The following RIMS2 variants were observed in gnomAD, a reference collection of about 807,000 sequenced individuals.
RIMS2 encodes the protein regulating synaptic membrane exocytosis protein 2.
A neutral mutation model predicts 174.4 loss-of-function variants in RIMS2; 59 were observed. That is an observed-to-expected ratio of 0.34 (90% CI 0.27 to 0.42). RIMS2 has a LOEUF of 0.42. RIMS2 is among the 10% of genes least tolerant of loss of function. The probability of loss-of-function intolerance (pLI) is 1.00; values close to 1 mark genes in which losing one functional copy is unlikely to be tolerated. For synonymous variants in RIMS2, 606 were observed against 572.5 expected (o/e 1.06, Z -0.84); for missense variants, 1,620 against 1,666.3 (o/e 0.97, Z 0.48).
At chr8:104,159,578 T>A (rs1416380701) in intron 19 of RIMS2, among the ~76,000 whole-genome samples, 1 of 152,152 alleles carries the variant, frequency 6.6e-6, no homozygotes, top group Non-Finnish European at 1.5e-5. Flanking sequence ...TTGCCAATAC[T>A]TAATTTTTTT....
At chr8:103,872,685 G>A (rs1468551102) in intron 3 of RIMS2, among the ~76,000 whole-genome samples, 1 of 152,180 alleles carries the variant, frequency 6.6e-6, no homozygotes, top group Non-Finnish European at 1.5e-5. Flanking sequence ...TGACAGTTAA[G>A]TTGAAAGAAT....
chr8:103,837,503 C>G (rs2098906174), intron 3 of RIMS2, among the ~76,000 whole-genome samples: 1 of 152,180 alleles, frequency 6.6e-6, no homozygotes, highest in Non-Finnish European at 1.5e-5. Context: ...AGGTATATCT[C>G]CTAATGCTAT....
chr8:103,785,929 T>C (rs1037091121), intron 3 of RIMS2, among the ~76,000 whole-genome samples: 3 of 152,206 alleles, frequency 2.0e-5, no homozygotes, highest in African/African-American at 7.2e-5. Flanking sequence ...AAGCTATTGA[T>C]TATTGCCACA....
At chr8:103,550,004 A>T (rs996667041) in intron 1 of RIMS2, among the ~76,000 whole-genome samples, 1 of 152,134 alleles carries the variant, frequency 6.6e-6, no homozygotes, top group African/African-American at 2.4e-5. Flanking sequence ...CACAATAATA[A>T]TGGGAGACTT....
At chr8:103,829,593 A>G (rs1221889698) in intron 3 of RIMS2, among the ~76,000 whole-genome samples, 4 of 152,190 alleles carry the variant, frequency 2.6e-5, no homozygotes, top group Admixed American at 2.0e-4. Flanking sequence ...ATCCTAACCA[A>G]TTTGATGCAG....
intron 2 of RIMS2, among the ~76,000 whole-genome samples, chr8:103,712,165 A>G (rs2097313090): frequency 7.0e-6 from 1 of 142,506 alleles, no homozygotes; most frequent in Admixed American, 7.0e-5. Context: ...TTAATTTTTA[A>G]ACTTTTTTTT....
intron 19 of RIMS2, among the ~76,000 whole-genome samples, chr8:104,150,228 C>A (rs555178983): frequency 6.2e-4 from 94 of 151,934 alleles, no homozygotes; most frequent in African/African-American, 2.2e-3. Context: ...AAATTAGGAA[C>A]CTAAAATGGA....
chr8:103,712,039 T>G (rs2097311102), intron 2 of RIMS2, among the ~76,000 whole-genome samples: 1 of 152,032 alleles, frequency 6.6e-6, no homozygotes, highest in Non-Finnish European at 1.5e-5. Flanking sequence ...TCAACCAGGT[T>G]AGAGTGCAGA....
At chr8:103,500,815 C>T in exon 1 of RIMS2, 1 of 988,780 alleles carries the variant, frequency 1.0e-6, no homozygotes, top group South Asian at 1.7e-5. Context: ...CTGCCCCAGC[C>T]GCCGCGCCGG....
At chr8:103,630,484 A>G (rs1312107441) in intron 1 of RIMS2, among the ~76,000 whole-genome samples, 1 of 151,512 alleles carries the variant, frequency 6.6e-6, no homozygotes, top group East Asian at 1.9e-4. Flanking sequence ...ATAGGAAATA[A>G]TAGGAGAATC....
intron 19 of RIMS2, among the ~76,000 whole-genome samples, chr8:104,220,287 A>G (rs2099149246): frequency 2.4e-5 from 3 of 125,984 alleles, no homozygotes; most frequent in Non-Finnish European, 5.2e-5. Flanking sequence ...GGAAAAAAAT[A>G]TCAAAAAAGC....
intron 1 of RIMS2, among the ~76,000 whole-genome samples, chr8:103,647,896 A>ATTTTTTTTTTTTTTTTTTT (rs71297225): frequency 8.7e-6 from 1 of 114,578 alleles, no homozygotes; most frequent in Admixed American, 8.6e-5. Context: ...TTTTTTTTTG[A>ATTTTTTTTTTTTTTTTTTT]TTTTTTTTTT....
At chr8:104,242,088 A>G (rs2099302525) in intron 19 of RIMS2, among the ~76,000 whole-genome samples, 1 of 151,924 alleles carries the variant, frequency 6.6e-6, no homozygotes, top group African/African-American at 2.4e-5. Flanking sequence ...TTTGAGGACC[A>G]CTCAAATGAA....
chr8:103,867,014 G>T (rs1213222225), intron 3 of RIMS2, among the ~76,000 whole-genome samples: 2 of 151,820 alleles, frequency 1.3e-5, no homozygotes, highest in Non-Finnish European at 2.9e-5. Context: ...AGGAAAGGAA[G>T]AATTATTACA....
intron 19 of RIMS2, among the ~76,000 whole-genome samples, chr8:104,059,466 T>G (rs1183689926): frequency 3.3e-5 from 5 of 151,214 alleles, no homozygotes; most frequent in Non-Finnish European, 5.9e-5. Context: ...AAGGAGATTT[T>G]GGGCTGAGAC....
chr8:103,752,467 G>GT (rs1360490503), intron 2 of RIMS2, among the ~76,000 whole-genome samples: 1 of 152,090 alleles, frequency 6.6e-6, no homozygotes, highest in East Asian at 1.9e-4. Context: ...CTTTAAAGTA[G>GT]TTTTTTCCAA....
chr8:103,989,548 AC>A, intron 17 of RIMS2, 127 bp downstream of exon 19: 1 of 546,606 alleles, frequency 1.8e-6, no homozygotes, highest in Non-Finnish European at 3.2e-6. Flanking sequence ...TTCTCTTACA[AC>A]GCTTACATTA....
chr8:103,930,125 A>C (rs1565371556), intron 11 of RIMS2, among the ~76,000 whole-genome samples: 1 of 152,014 alleles, frequency 6.6e-6, no homozygotes. Context: ...TATAATTTAA[A>C]TAATTTGGAT....
intron 19 of RIMS2, among the ~76,000 whole-genome samples, chr8:104,117,219 T>TTAATTAAATAAAA (rs1273807739): frequency 6.6e-6 from 1 of 152,052 alleles, no homozygotes; most frequent in Non-Finnish European, 1.5e-5. Context: ...ACTTTGCATA[T>TTAATTAAATAAAA]ATTAATAGTT....
Sources: gnomAD v4.1 joint callset for allele counts (sites outside exome capture counted in the v4.1 genomes callset) on GRCh38, gnomAD v4.1.1 for gene constraint, MANE v1.5 for transcripts, NCBI Gene and HGNC (gene_info 2026-07-23, HGNC 2026-07-21) for gene names.